AP5M1: variants seen among roughly 807,000 people sequenced by gnomAD.
The protein encoded by AP5M1 is AP-5 complex subunit mu-1.
AP5M1 carries 44 observed loss-of-function variants against 52.3 expected under a neutral mutation model. That is an observed-to-expected ratio of 0.84 (90% CI 0.66 to 1.08). The LOEUF (loss-of-function observed/expected upper bound fraction) is 1.08, where lower values mean the gene tolerates loss of function less well. Ranked by LOEUF, AP5M1 falls within the 50% of genes least tolerant of loss-of-function variation. The pLI is 0.00. For missense variants in AP5M1, 526 were observed against 568.4 expected (o/e 0.93, Z 0.76); for synonymous variants, 213 against 199.0 (o/e 1.07, Z -0.59).
chr14:57,272,274 TG>T (rs1442716981), intron 1 of AP5M1, among the ~76,000 whole-genome samples: 2 of 152,160 alleles, frequency 1.3e-5, no homozygotes, highest in African/African-American at 4.8e-5. Flanking sequence ...TCTAACCTCT[TG>T]GGGGAGGTGT....
Position 57,274,300 on chromosome 14 carries a change from C to A in AP5M1, c.131C>A (p.Pro44His). 6.2e-7 allele frequency: 1 copy of A among 1,614,120 alleles called. No homozygotes were observed. The highest frequency in any genetic ancestry group is 8.5e-7 in the Non-Finnish European group (1 of 1,180,018). ...GTCTTCAATGGAGCAAGTTATGTGC[C>A]TGTTCCTGAAGATGGTCCCTTTCTT... ...ARVFNGASYV[P>H]VPEDGPFLKA... The change falls in exon 2 of 8, where the codon CCT (proline) becomes CAT (histidine). Residue 44 changes from proline (P) to histidine (H), a missense_variant. This residue lies in a region of AP5M1 where 425 missense variants were observed against 430.6 expected (regional missense o/e 0.99). Transcript: ENST00000261558.
intron 1 of AP5M1, among the ~76,000 whole-genome samples, chr14:57,270,089 G>A (rs547653630): frequency 2.0e-4 from 31 of 152,304 alleles, no homozygotes; most frequent in Admixed American, 6.5e-4. Context: ...TTACAGGCAG[G>A]AGCCACCGCG....
rs1004268111 is a variant in AP5M1, at chr14:57,298,067, T to C, written c.*9183T>C. ...GGCTGCCCATCATAGGACACGTTCC[T>C]TGCAGTTATGCTTCAGTGAACTTTA... On this transcript the variant is annotated 3_prime_UTR_variant, in exon 8 of 8. Coordinates refer to ENST00000261558, the MANE Select transcript of AP5M1 (RefSeq NM_018229.4). 6.6e-6 allele frequency: 1 copy of C among 152,212 alleles called. No individual in the cohort carries two copies. The highest frequency in any genetic ancestry group is 2.4e-5 in the African/African-American group (1 of 41,462). The allele number at this position is 152,212 out of a possible 1,614,324, so 9.4% of individuals were successfully genotyped here.
chr14:57,296,975 G>A lies in AP5M1; in HGVS notation c.*8091G>A, dbSNP rs1287920971. ...GAAACTGCCCAAAAAGGTGATGGTTGAAGTTCCCCAGCCAGTTAAAGGGCA... is the reference window on the plus strand; with the variant it reads ...GAAACTGCCCAAAAAGGTGATGGTTAAAGTTCCCCAGCCAGTTAAAGGGCA... On this transcript the variant is annotated 3_prime_UTR_variant, in exon 8 of 8. Transcript: ENST00000261558. 2.6e-5 allele frequency: 4 copies of A among 152,018 alleles called. No homozygotes were observed. The East Asian group carries it at 7.7e-4, about 29-fold the overall frequency. 9.4% of individuals were successfully genotyped at this position (152,018 alleles called of 1,614,324 possible). A position where few individuals can be genotyped will look rare whatever the true frequency, so the allele number is the denominator to read the frequency against.
rs771184854 is a variant in AP5M1 at position 57,283,169 on chromosome 14, C to G, written c.1232C>G (p.Ala411Gly). The change falls in exon 6 of 8, where the codon GCC (alanine) becomes GGC (glycine). Residue 411 changes from alanine (A) to glycine (G), a missense_variant. Transcript: ENST00000261558. ...CTTTCTGGAACTGTAACTTTTGGAG[C>G]CAAGAGCCATGAGAAGCAGCCATTT... ...ISLSGTVTFG[A>G]KSHEKQPFDP... 9 of 1,613,778 alleles carry G rather than the reference C, an allele frequency of 5.6e-6. No individual in the cohort carries two copies. Among genetic ancestry groups the G allele is most frequent in the Middle Eastern group, 1.7e-4 (1 of 6,058 alleles).
At chr14:57,273,982 C>G (rs1402860702) in intron 1 of AP5M1, among the ~76,000 whole-genome samples, 1 of 152,140 alleles carries the variant, frequency 6.6e-6, no homozygotes, top group African/African-American at 2.4e-5. Context: ...ATCATGTACT[C>G]TACCTAAACT....
chr14:57,269,701 A>G (rs1032923649), intron 1 of AP5M1, among the ~76,000 whole-genome samples: 1 of 152,260 alleles, frequency 6.6e-6, no homozygotes. Flanking sequence ...AAATTTACTG[A>G]GCACTAAACA....
chr14:57,269,068 A>T lies in AP5M1; in HGVS notation c.-247A>T, dbSNP rs1314913893. 16 of 568,706 alleles carry T rather than the reference A, an allele frequency of 2.8e-5. No individual in the cohort carries two copies. Among genetic ancestry groups the T allele is most frequent in the Non-Finnish European group, 3.1e-6 (1 of 324,856 alleles). 35.2% of individuals were successfully genotyped at this position (568,706 alleles called of 1,614,324 possible). ...AGAAAATACCGGAGTTGCAGGGTATAGGTAAATTTCTCAAGGTTATAGGTT... is the reference window on the plus strand; with the variant it reads ...AGAAAATACCGGAGTTGCAGGGTATTGGTAAATTTCTCAAGGTTATAGGTT... On this transcript the variant is annotated 5_prime_UTR_variant, in exon 1 of 8. Transcript: ENST00000261558.
rs754530696 is a variant in AP5M1 at position 57,282,125 on chromosome 14, A to C, written c.985A>C (p.Lys329Gln). The change falls in exon 4 of 8, where the codon AAG (lysine) becomes CAG (glutamine). Residue 329 changes from lysine (K) to glutamine (Q), a missense_variant. Around this residue, in one of 3 missense-constraint regions of AP5M1, gnomAD observed 425 missense variants for 430.6 expected, o/e 0.99. Transcript: ENST00000261558. ...ACCAATTTTGGGTTTTTATCAAATG[A>C]AGGAGGAAGAAGTACAACTAAGAAT... ...VPPILGFYQM[K>Q]EEEVQLRITI... The C allele has an allele frequency of 1.3e-6, 2 of 1,576,338 alleles. No individual in the cohort carries two copies. The highest frequency in any genetic ancestry group is 1.7e-6 in the Non-Finnish European group (2 of 1,166,724).
Position 57,294,181 on chromosome 14 carries a change from A to G in AP5M1, c.*5297A>G, listed in dbSNP as rs984797368. ...CCTAATTGACATCAGTGTCATGTTA[A>G]TGTATGATGCACAAGCATTTACAGA... On this transcript the variant is annotated 3_prime_UTR_variant, in exon 8 of 8. Coordinates refer to ENST00000261558, the MANE Select transcript of AP5M1 (RefSeq NM_018229.4). The G allele has an allele frequency of 6.6e-6, 1 of 151,820 alleles. No homozygotes were observed. Among genetic ancestry groups the G allele is most frequent in the African/African-American group, 2.4e-5 (1 of 41,410 alleles). 9.4% of individuals were successfully genotyped at this position (151,820 alleles called of 1,614,324 possible). A position where few individuals can be genotyped will look rare whatever the true frequency, so the allele number is the denominator to read the frequency against.
chr14:57,269,250 G>T lies in AP5M1; in HGVS notation c.-65G>T. 6.7e-7 allele frequency: 1 copy of T among 1,486,278 alleles called. No homozygotes were observed. Among genetic ancestry groups the T allele is most frequent in the Non-Finnish European group, 9.4e-7 (1 of 1,067,790 alleles). The allele number at this position is 1,486,278 out of a possible 1,614,324, so 92.1% of individuals were successfully genotyped here. A position where few individuals can be genotyped will look rare whatever the true frequency, so the allele number is the denominator to read the frequency against. On this transcript the variant is annotated 5_prime_UTR_variant, in exon 1 of 8. Transcript: ENST00000261558. ...TGTTAAGAGTCTGTCTGAGAAAGCC[G>T]GTCTGCGCTGTTCCTCGGTGGCGAC... is the stretch of plus-strand genomic sequence containing the variant.
At chr14:57,278,826 T>C (rs886484894) in intron 2 of AP5M1, among the ~76,000 whole-genome samples, 1 of 152,096 alleles carries the variant, frequency 6.6e-6, no homozygotes, top group African/African-American at 2.4e-5. Context: ...AGAAAATTTT[T>C]AAGCAGGTAG....
At chr14:57,282,887 C>T (rs980101083) in intron 4 of AP5M1, 47 bp from the exon 5 acceptor site, 78 of 1,322,594 alleles carry the variant, frequency 5.9e-5, no homozygotes, top group Non-Finnish European at 1.5e-5. Flanking sequence ...TCTCTTAAAA[C>T]TGTTATATCT....
rs1332608074 is a variant in AP5M1 at position 57,294,818 on chromosome 14, G to C, written c.*5934G>C. On this transcript the variant is annotated 3_prime_UTR_variant, in exon 8 of 8. Transcript: ENST00000261558. ...ATATTACACATTTGGAGTAAGCCTT[G>C]CTTTTTCAACATGCATCATGTAAAA... 6.6e-6 allele frequency: 1 copy of C among 151,842 alleles called. No homozygotes were observed. Among genetic ancestry groups the C allele is most frequent in the Non-Finnish European group, 1.5e-5 (1 of 67,838 alleles). 9.4% of individuals were successfully genotyped at this position (151,842 alleles called of 1,614,324 possible).
intron 7 of AP5M1, among the ~76,000 whole-genome samples, chr14:57,287,519 A>C (rs1379841862): frequency 3.9e-5 from 6 of 152,096 alleles, no homozygotes; most frequent in African/African-American, 1.4e-4. Flanking sequence ...TAGATTGTCT[A>C]TGGGAAAATA....
At position 57,297,908 on chromosome 14, in the gene AP5M1, T is replaced by C. The variant is rs544456789; in HGVS notation, c.*9024T>C. 3.9e-5 allele frequency: 6 copies of C among 152,312 alleles called. No homozygotes were observed. The highest frequency in any genetic ancestry group is 6.8e-3 in the Middle Eastern group (2 of 294). 9.4% of individuals were successfully genotyped at this position (152,312 alleles called of 1,614,324 possible). A position where few individuals can be genotyped will look rare whatever the true frequency, so the allele number is the denominator to read the frequency against. ...TTTGCAAACAGTGGTTCAGTCTGTA[T>C]TGGGCACAGGTGAATTCTGCCCTGC... On this transcript the variant is annotated 3_prime_UTR_variant, in exon 8 of 8. Coordinates refer to ENST00000261558, the MANE Select transcript of AP5M1 (RefSeq NM_018229.4).
intron 6 of AP5M1, among the ~76,000 whole-genome samples, chr14:57,285,600 CAT>C (rs1885287789): frequency 6.6e-6 from 1 of 152,108 alleles, no homozygotes; most frequent in African/African-American, 2.4e-5. Flanking sequence ...ACATCTTATG[CAT>C]TAGTTCTGTA....
At chr14:57,273,754 A>G in intron 1 of AP5M1, 1 of 701,914 alleles carries the variant, frequency 1.4e-6, no homozygotes. Flanking sequence ...CTATAAGTTA[A>G]GTAGAATAGA....
intron 6 of AP5M1, among the ~76,000 whole-genome samples, chr14:57,285,382 A>C (rs1464369644): frequency 6.6e-6 from 1 of 152,210 alleles, no homozygotes; most frequent in African/African-American, 2.4e-5. Context: ...CATTGAAAGC[A>C]TGTAGCACAT....
Sources: gnomAD v4.1 joint callset for allele counts (sites outside exome capture counted in the v4.1 genomes callset) on GRCh38, gnomAD v4.1.1 for gene constraint, gnomAD v4.1.1 regional missense constraint, MANE v1.5 for transcripts, NCBI Gene and HGNC (gene_info 2026-07-23, HGNC 2026-07-21) for gene names.